ULK4: variants seen among roughly 807,000 people sequenced by gnomAD.
The protein encoded by ULK4 is unc-51 like kinase 4, also known as inactive serine/threonine-protein kinase ULK4.
In ULK4, 133 loss-of-function variants were observed where a neutral mutation model predicts 160.6. The observed-to-expected ratio is 0.83, with a 90% CI of 0.72 to 0.96. ULK4 has a LOEUF of 0.96. ULK4 is among the 40% of genes least tolerant of loss of function. ULK4 has a pLI of 0.00. For synonymous variants in ULK4, 534 were observed against 539.8 expected, an observed-to-expected ratio of 0.99 and a Z score of 0.15; for missense variants, 1,580 against 1,499.5, an observed-to-expected ratio of 1.05 and a Z score of -0.89.
At chr3:41,741,118 C>G (rs1401600298) in intron 22 of ULK4, among the ~76,000 whole-genome samples, 2 of 151,820 alleles carry the variant, frequency 1.3e-5, no homozygotes, top group Non-Finnish European at 2.9e-5. Context: ...CTAACATTTC[C>G]TTTAGTTTGT....
At chr3:41,318,561 G>A (rs532685111) in intron 35 of ULK4, among the ~76,000 whole-genome samples, 1 of 152,290 alleles carries the variant, frequency 6.6e-6, no homozygotes, top group South Asian at 2.1e-4. Flanking sequence ...CATTGCATCT[G>A]CTATTATCCT....
At chr3:41,354,652 C>T (rs998503421) in intron 35 of ULK4, among the ~76,000 whole-genome samples, 24 of 152,118 alleles carry the variant, frequency 1.6e-4, no homozygotes, top group African/African-American at 5.6e-4. Context: ...AGAAGCTTGA[C>T]AGAAGCCAGG....
rs574329796 is a variant in ULK4 at position 41,736,427 on chromosome 3, T to C, written c.2321+17934A>G. On this transcript the variant is annotated intron_variant, in intron 22 of 36. Transcript: ENST00000301831. ...TATCTCACTGCGGTTTTGATTTGCATTTCTCTGATGGCCAGTGATGATGAG... is the reference window on the plus strand; with the variant it reads ...TATCTCACTGCGGTTTTGATTTGCACTTCTCTGATGGCCAGTGATGATGAG... 3.5e-3 allele frequency among the ~76,000 whole-genome samples: 529 copies of C among 152,090 alleles called. 13 individuals carry two copies. Among genetic ancestry groups the C allele is most frequent in the African/African-American group, 0.012 (504 of 41,326 alleles).
intron 3 of ULK4, 87 bp from the exon 4 acceptor site, chr3:41,936,027 A>G (rs1009208349): frequency 3.8e-5 from 58 of 1,525,546 alleles, no homozygotes; most frequent in South Asian, 7.3e-5. Context: ...AGATACGAAC[A>G]TTAAAAAATG....
At chr3:41,610,545 G>T (rs2032622521) in intron 31 of ULK4, among the ~76,000 whole-genome samples, 1 of 152,174 alleles carries the variant, frequency 6.6e-6, no homozygotes, top group African/African-American at 2.4e-5. Context: ...AATGTAATGT[G>T]ACTGTCTGTC....
intron 16 of ULK4, among the ~76,000 whole-genome samples, chr3:41,892,898 C>T (rs1191417946): frequency 6.6e-6 from 1 of 152,234 alleles, no homozygotes; most frequent in African/African-American, 2.4e-5. Context: ...CTGCTAAATA[C>T]ATCCCTGGTT....
At chr3:41,652,522 A>G (rs2034782011) in intron 30 of ULK4, among the ~76,000 whole-genome samples, 1 of 152,228 alleles carries the variant, frequency 6.6e-6, no homozygotes, top group African/African-American at 2.4e-5. Flanking sequence ...GTGTTGTTTA[A>G]GTCATAAGCC....
At chr3:41,304,050 C>A (rs545729948) in intron 35 of ULK4, among the ~76,000 whole-genome samples, 1 of 152,072 alleles carries the variant, frequency 6.6e-6, no homozygotes, top group African/African-American at 2.4e-5. Flanking sequence ...GTGGGTGGAT[C>A]ACCTGAGGTC....
chr3:41,323,514 A>G (rs1007984332), intron 35 of ULK4, among the ~76,000 whole-genome samples: 2 of 151,918 alleles, frequency 1.3e-5, no homozygotes, highest in Non-Finnish European at 2.9e-5. Context: ...ACAACAGAGA[A>G]ATGAAGATTT....
chr3:41,551,066 A>G (rs2087044986), intron 32 of ULK4, among the ~76,000 whole-genome samples: 1 of 133,112 alleles, frequency 7.5e-6, no homozygotes, highest in Non-Finnish European at 1.7e-5. Context: ...CAAAAAAACA[A>G]AAAAAAAGTT....
At chr3:41,394,878 G>A (rs978936032) in intron 35 of ULK4, among the ~76,000 whole-genome samples, 2 of 152,006 alleles carry the variant, frequency 1.3e-5, no homozygotes, top group Non-Finnish European at 2.9e-5. Flanking sequence ...ATCACAGATG[G>A]CAGGCCTGTA....
chr3:41,418,254 T>C (rs904478434), intron 34 of ULK4, among the ~76,000 whole-genome samples: 1 of 151,034 alleles, frequency 6.6e-6, no homozygotes, highest in Non-Finnish European at 1.5e-5. Context: ...ATTGGAGGCC[T>C]TACTGATAAC....
At chr3:41,570,463 A>G (rs1034134495) in intron 31 of ULK4, among the ~76,000 whole-genome samples, 18 of 152,036 alleles carry the variant, frequency 1.2e-4, no homozygotes, top group Non-Finnish European at 2.1e-4. Flanking sequence ...TAAAGTAACC[A>G]ACGATACATA....
chr3:41,648,743 A>C (rs561057508), intron 30 of ULK4, among the ~76,000 whole-genome samples: 2 of 152,274 alleles, frequency 1.3e-5, no homozygotes, highest in South Asian at 2.1e-4. Context: ...GGAATCCCCA[A>C]GTGGGTAAGA....
chr3:41,321,290 A>G (rs1028025582), intron 35 of ULK4, among the ~76,000 whole-genome samples: 2 of 152,162 alleles, frequency 1.3e-5, no homozygotes, highest in African/African-American at 4.8e-5. Context: ...AGGGATATAA[A>G]ATATTCAACA....
chr3:41,710,542 C>T (rs1413396127), intron 25 of ULK4, among the ~76,000 whole-genome samples: 1 of 152,070 alleles, frequency 6.6e-6, no homozygotes, highest in African/African-American at 2.4e-5. Flanking sequence ...GCCTATAATC[C>T]CAGCACTTTG....
chr3:41,954,511 G>A, intron 2 of ULK4, 111 bp downstream of exon 2: 1 of 1,283,102 alleles, frequency 7.8e-7, no homozygotes, highest in East Asian at 2.4e-5. Context: ...ATTCCAGACT[G>A]AAAATGTGGC....
At position 41,564,385 on chromosome 3, in the gene ULK4, G is replaced by A. The variant is rs531124741; in HGVS notation, c.3226+1640C>T. ...GTCCGTCCGTTCTGAGAGCTCAAAC[G>A]CCATGCTGGGAGAACCACTGCTCTC... is the stretch of plus-strand genomic sequence containing the variant. On this transcript the variant is annotated intron_variant, in intron 32 of 36. Coordinates refer to ENST00000301831, the MANE Select transcript of ULK4 (RefSeq NM_017886.4). Among the ~76,000 whole-genome samples the A allele has an allele frequency of 1.3e-4, 19 of 150,714 alleles. No individual in the cohort carries two copies. The South Asian group carries it at 2.1e-3, about 17-fold the overall frequency.
chr3:41,668,864 G>A (rs1435894347), intron 29 of ULK4, among the ~76,000 whole-genome samples: 1 of 152,110 alleles, frequency 6.6e-6, no homozygotes, highest in Non-Finnish European at 1.5e-5. Flanking sequence ...TAAAATGAAT[G>A]AGAAAAATAC....
Sources: gnomAD v4.1 joint callset for allele counts (sites outside exome capture counted in the v4.1 genomes callset) on GRCh38, gnomAD v4.1.1 for gene constraint, MANE v1.5 for transcripts, NCBI Gene and HGNC (gene_info 2026-07-23, HGNC 2026-07-21) for gene names.